The following CDK17 variants were observed in gnomAD, a reference collection of about 807,000 sequenced individuals.
CDK17 encodes cyclin-dependent kinase 17.
In CDK17, 24 loss-of-function variants were observed where a neutral mutation model predicts 77.6. That is an observed-to-expected ratio of 0.31 (90% CI 0.22 to 0.44). The LOEUF (loss-of-function observed/expected upper bound fraction) is 0.44. Ranked by LOEUF, CDK17 falls within the 20% of genes least tolerant of loss-of-function variation. The pLI is 1.00. For missense variants in CDK17, 429 were observed against 622.5 expected, an observed-to-expected ratio of 0.69 and a Z score of 3.31; for synonymous variants, 203 against 210.4, an observed-to-expected ratio of 0.96 and a Z score of 0.30.
At chr12:96,315,886 C>T (rs181672956) in intron 3 of CDK17, among the ~76,000 whole-genome samples, 2 of 152,104 alleles carry the variant, frequency 1.3e-5, no homozygotes, top group East Asian at 3.9e-4. Flanking sequence ...CAGAAAGGCT[C>T]AACTCCCAAA....
intron 1 of CDK17, among the ~76,000 whole-genome samples, chr12:96,396,000 CA>C (rs1184255761): frequency 6.6e-6 from 1 of 152,118 alleles, no homozygotes; most frequent in Non-Finnish European, 1.5e-5. Context: ...AAGGTGATAT[CA>C]AAAAATATTT....
chr12:96,313,175 T>C, intron 4 of CDK17, 146 bp downstream of exon 4: 1 of 491,034 alleles, frequency 2.0e-6, no homozygotes, highest in Non-Finnish European at 3.5e-6. Context: ...CTGCAATTTA[T>C]GAATGCAAAG....
At chr12:96,315,004 G>T (rs1198920557) in intron 3 of CDK17, among the ~76,000 whole-genome samples, 2 of 152,134 alleles carry the variant, frequency 1.3e-5, no homozygotes, top group African/African-American at 4.8e-5. Flanking sequence ...GATTTAGCTT[G>T]TTCACTTTTC....
intron 1 of CDK17, among the ~76,000 whole-genome samples, chr12:96,372,163 C>T (rs943743784): frequency 1.3e-5 from 2 of 152,092 alleles, no homozygotes; most frequent in African/African-American, 2.4e-5. Context: ...CTTTATAAGA[C>T]AAATTCTACT....
chr12:96,336,220 G>A (rs1173050488), intron 1 of CDK17, among the ~76,000 whole-genome samples: 1 of 152,068 alleles, frequency 6.6e-6, no homozygotes, highest in Admixed American at 6.6e-5. Flanking sequence ...CTGGCATATT[G>A]GGAGGCCAAG....
At chr12:96,315,323 A>G (rs1385848770) in intron 3 of CDK17, among the ~76,000 whole-genome samples, 1 of 152,228 alleles carries the variant, frequency 6.6e-6, no homozygotes, top group Non-Finnish European at 1.5e-5. Context: ...TTAACTCAAT[A>G]TTAAGAAAAC....
intron 1 of CDK17, among the ~76,000 whole-genome samples, chr12:96,385,293 GAC>G (rs1258220821): frequency 1.3e-5 from 2 of 152,072 alleles, no homozygotes; most frequent in Admixed American, 6.6e-5. Flanking sequence ...CAGCCTGGGC[GAC>G]AGAGTGAGAC....
chr12:96,331,142 C>G (rs182385815), intron 2 of CDK17, among the ~76,000 whole-genome samples: 2 of 152,140 alleles, frequency 1.3e-5, no homozygotes, highest in East Asian at 3.9e-4. Flanking sequence ...GGGGTTTCAC[C>G]GTGTTGGCCA....
chr12:96,310,593 G>C (rs756292636), intron 5 of CDK17, among the ~76,000 whole-genome samples: 1 of 151,776 alleles, frequency 6.6e-6, no homozygotes, highest in African/African-American at 2.4e-5. Flanking sequence ...AAGAGAAAGG[G>C]AACAGAAGGG....
At chr12:96,328,367 A>G (rs1952917979) in intron 2 of CDK17, among the ~76,000 whole-genome samples, 1 of 152,140 alleles carries the variant, frequency 6.6e-6, no homozygotes, top group Admixed American at 6.5e-5. Context: ...TAAATATACT[A>G]TGCTTGAATC....
Position 96,400,174 on chromosome 12 carries a change from G to A in CDK17, c.-218C>T, listed in dbSNP as rs886877698. ...GCTCTCGCCGCGGGTCCGGAGCCTC[G>A]GGAGGGGCCGCGGGTGTCTCACGCG... On this transcript the variant is annotated 5_prime_UTR_variant, in exon 1 of 17. Coordinates refer to ENST00000261211, the MANE Select transcript of CDK17 (RefSeq NM_002595.5). The A allele has an allele frequency of 1.5e-5, 6 of 394,486 alleles. No individual in the cohort carries two copies. In the East Asian group the frequency reaches 2.2e-4, roughly 14 times the overall value. The allele number at this position is 394,486 out of a possible 1,614,324, so 24.4% of individuals were successfully genotyped here.
chr12:96,372,307 T>C (rs1240621499), intron 1 of CDK17, among the ~76,000 whole-genome samples: 4 of 152,154 alleles, frequency 2.6e-5, no homozygotes, highest in African/African-American at 4.8e-5. Flanking sequence ...CTCCCTCTTA[T>C]ATGGCCAGTT....
chr12:96,301,129 A>G (rs1210124306), intron 5 of CDK17, among the ~76,000 whole-genome samples: 1 of 152,062 alleles, frequency 6.6e-6, no homozygotes, highest in Non-Finnish European at 1.5e-5. Context: ...TCCAATCAAA[A>G]TACAATGAAA....
chr12:96,334,635 T>C, intron 2 of CDK17, 84 bp downstream of exon 2: 1 of 739,554 alleles, frequency 1.4e-6, no homozygotes, highest in South Asian at 1.7e-5. Context: ...GAAGCTATTA[T>C]GAACTTATCT....
At chr12:96,384,153 T>C (rs1349424783) in intron 1 of CDK17, among the ~76,000 whole-genome samples, 1 of 151,604 alleles carries the variant, frequency 6.6e-6, no homozygotes, top group Non-Finnish European at 1.5e-5. Flanking sequence ...ATGAAAAAAA[T>C]GTTCAACATT....
At chr12:96,280,785 G>C in intron 16 of CDK17, 23 bp downstream of exon 16, 1 of 1,609,984 alleles carries the variant, frequency 6.2e-7, no homozygotes, top group African/African-American at 1.3e-5. Context: ...ATCGACACGT[G>C]AAATGGTTTA....
intron 5 of CDK17, among the ~76,000 whole-genome samples, chr12:96,309,379 C>T (rs1205932620): frequency 6.6e-6 from 1 of 152,200 alleles, no homozygotes; most frequent in Admixed American, 6.5e-5. Context: ...ATTTTACTTG[C>T]TGCCTCTTTT....
chr12:96,337,771 G>A (rs1953065103), intron 1 of CDK17, among the ~76,000 whole-genome samples: 1 of 152,042 alleles, frequency 6.6e-6, no homozygotes, highest in South Asian at 2.1e-4. Context: ...GTTTCTGTAA[G>A]ACTTTACACT....
chr12:96,386,321 A>G (rs192173995), intron 1 of CDK17, among the ~76,000 whole-genome samples: 2 of 152,270 alleles, frequency 1.3e-5, no homozygotes, highest in Admixed American at 6.5e-5. Context: ...CTTTGCCTTC[A>G]CTTCAAAAAA....
Sources: gnomAD v4.1 joint callset for allele counts (sites outside exome capture counted in the v4.1 genomes callset) on GRCh38, gnomAD v4.1.1 for gene constraint, MANE v1.5 for transcripts, NCBI Gene and HGNC (gene_info 2026-07-23, HGNC 2026-07-21) for gene names.